The following BRF1 variants were observed in gnomAD, a reference collection of about 807,000 sequenced individuals.
The protein encoded by BRF1 is BRF1 general transcription factor IIIB subunit.
Under a neutral mutation model 81.7 loss-of-function variants are expected in BRF1, and 59 were observed. That is an observed-to-expected ratio of 0.72 (90% CI 0.59 to 0.90). The LOEUF (loss-of-function observed/expected upper bound fraction) is 0.90. Among genes scored for constraint, BRF1 ranks in the 40% least tolerant of loss-of-function variants. The pLI, the probability that BRF1 is intolerant of heterozygous loss-of-function variation, is 0.00. For missense variants in BRF1, 1,050 were observed against 936.3 expected, an observed-to-expected ratio of 1.12 and a Z score of -1.58; for synonymous variants, 491 against 395.6, an observed-to-expected ratio of 1.24 and a Z score of -2.86.
At chr14:105,279,525 A>G (rs1051012944) in intron 2 of BRF1, among the ~76,000 whole-genome samples, 1 of 150,042 alleles carries the variant, frequency 6.7e-6, no homozygotes, top group Non-Finnish European at 1.5e-5. Context: ...CCTACCAGAA[A>G]GACTACAACT....
Position 105,209,588 on chromosome 14 carries a change from C to T in BRF1, c.*963G>A. The T allele has an allele frequency of 1.4e-6, 1 of 702,504 alleles. No homozygotes were observed. 43.5% of individuals were successfully genotyped at this position (702,504 alleles called of 1,614,324 possible). ...GAGCTGAGACCTCCTACGAGTGGTACTGGGGCCTTCCCACGAAGAGGCCTG... is the reference window on the plus strand; with the variant it reads ...GAGCTGAGACCTCCTACGAGTGGTATTGGGGCCTTCCCACGAAGAGGCCTG... On this transcript the variant is annotated 3_prime_UTR_variant, in exon 18 of 18. Coordinates refer to ENST00000547530, the MANE Select transcript of BRF1 (RefSeq NM_001519.4).
At chr14:105,249,586 C>G in intron 5 of BRF1, 6 of 1,585,300 alleles carry the variant, frequency 3.8e-6, no homozygotes, top group Non-Finnish European at 4.3e-6. Flanking sequence ...CCAGGCCCAG[C>G]CCCGCGATGG....
At position 105,217,554 on chromosome 14, in the gene BRF1, C is replaced by T; in HGVS notation, c.1762G>A (p.Val588Met). The change falls in exon 15 of 18, where the codon GTG becomes ATG. Residue 588 changes from valine to methionine, a missense_variant. Around this residue, in one of 2 missense-constraint regions of BRF1, gnomAD observed 1,043 missense variants for 915.4 expected, o/e 1.14. Transcript: ENST00000547530. ...AGGACAGGATGGTACCTTTTCCCCACACTGGTCACAGGGTCAGCCCCACTT... is the reference window on the plus strand; with the variant it reads ...AGGACAGGATGGTACCTTTTCCCCATACTGGTCACAGGGTCAGCCCCACTT... The part of the protein sequence containing the change: ...SRSGADPVTS[V>M]GKRLRPLVST... The T allele has an allele frequency of 1.2e-6, 2 of 1,613,288 alleles. No homozygotes were observed. Among genetic ancestry groups the T allele is most frequent in the South Asian group, 2.2e-5 (2 of 91,070 alleles).
chr14:105,248,227 A>T (rs587702693), intron 5 of BRF1: 90 of 985,498 alleles, frequency 9.1e-5, no homozygotes, highest in Admixed American at 2.5e-4. Context: ...CGAACGAGGA[A>T]GCCCAACGAC....
chr14:105,218,763 C>CA (rs1891748040), intron 14 of BRF1, among the ~76,000 whole-genome samples: 2 of 152,124 alleles, frequency 1.3e-5, no homozygotes, highest in African/African-American at 2.4e-5. Context: ...AAGGTTACCC[C>CA]AAAGCTGAGC....
Position 105,217,642 on chromosome 14 carries a change from A to C in BRF1, c.1674T>G (p.Asp558Glu). 6.2e-7 allele frequency: 1 copy of C among 1,613,284 alleles called. No homozygotes were observed. The highest frequency in any genetic ancestry group is 8.5e-7 in the Non-Finnish European group (1 of 1,180,010). The part of the protein sequence containing the change: ...SAGGGSPHRE[D>E]AQPEHSASAR... The stretch of plus-strand genomic sequence containing the variant: ...CACTGGCGCTATGCTCGGGCTGTGC[A>C]TCCTCCCTGTGCGGACTGCCCCCGC... Residue 558 changes from aspartate (D) to glutamate (E), a missense_variant, in exon 15 of 18, where the codon GAT (aspartate) becomes GAG (glutamate). Asp to Glu is a conservative substitution (Grantham distance 45). This residue lies in a region of BRF1 where 1,043 missense variants were observed against 915.4 expected (regional missense o/e 1.14). Coordinates refer to ENST00000547530, the MANE Select transcript of BRF1 (RefSeq NM_001519.4).
chr14:105,242,823 A>C (rs1193379058), intron 5 of BRF1, among the ~76,000 whole-genome samples: 2 of 151,632 alleles, frequency 1.3e-5, no homozygotes, highest in Non-Finnish European at 2.9e-5. Context: ...TTTTGAAAAA[A>C]ATTTGGCCGG....
intron 17 of BRF1, 99 bp downstream of exon 17, chr14:105,211,023 T>C: frequency 6.6e-7 from 1 of 1,511,762 alleles, no homozygotes. Context: ...AACAGAAATT[T>C]AGTTTGAAGC....
chr14:105,260,181 C>T (rs1158352545), intron 3 of BRF1, among the ~76,000 whole-genome samples: 1 of 152,128 alleles, frequency 6.6e-6, no homozygotes, highest in Non-Finnish European at 1.5e-5. Flanking sequence ...GAGAAAAAGA[C>T]CCAGGAACGA....
chr14:105,256,579 T>A, intron 3 of BRF1, 30 bp from the exon 4 acceptor site: 1 of 1,609,656 alleles, frequency 6.2e-7, no homozygotes, highest in Non-Finnish European at 8.5e-7. Context: ...TCCTGTCGAG[T>A]GGCTGCAAGC....
chr14:105,226,445 A>C (rs1421572063), intron 8 of BRF1, among the ~76,000 whole-genome samples, 155 bp from the exon 9 acceptor site: 2 of 152,150 alleles, frequency 1.3e-5, no homozygotes, highest in Non-Finnish European at 2.9e-5. Flanking sequence ...CCCCCATGGG[A>C]AGAGGTGGCA....
At chr14:105,223,687 A>T (rs990459066) in intron 10 of BRF1, among the ~76,000 whole-genome samples, 1 of 152,220 alleles carries the variant, frequency 6.6e-6, no homozygotes, top group African/African-American at 2.4e-5. Flanking sequence ...TGGGAGCCAC[A>T]GATCTGTGGG....
chr14:105,220,981 C>A (rs1408063977), intron 11 of BRF1, among the ~76,000 whole-genome samples: 1 of 152,224 alleles, frequency 6.6e-6, no homozygotes, highest in Admixed American at 6.5e-5. Context: ...CACACAGCAG[C>A]CCCAACCATC....
chr14:105,221,763 C>T lies in BRF1; in HGVS notation c.1200G>A (p.Glu400=). 6.2e-7 allele frequency: 1 copy of T among 1,611,530 alleles called. No homozygotes were observed. The highest frequency in any genetic ancestry group is 8.5e-7 in the Non-Finnish European group (1 of 1,179,700). The change falls in exon 11 of 18, where the codon GAG becomes GAA. Residue 400 remains glutamate (E), a synonymous_variant. Coordinates refer to ENST00000547530, the MANE Select transcript of BRF1 (RefSeq NM_001519.4). ...PGSSEAAGSP[E]WGGRPPALGS... The stretch of plus-strand genomic sequence containing the variant: ...CCAGGGCCGGAGGTCTGCCGCCCCA[C>T]TCGGGGCTTCCTGCTGCTTCCGAGC...
At position 105,209,913 on chromosome 14, in the gene BRF1, G is replaced by A. The variant is rs912176791; in HGVS notation, c.*638C>T. The A allele has an allele frequency of 2.5e-6, 1 of 395,092 alleles. No individual in the cohort carries two copies. The highest frequency in any genetic ancestry group is 4.5e-6 in the Non-Finnish European group (1 of 222,988). The allele number at this position is 395,092 out of a possible 1,614,324, so 24.5% of individuals were successfully genotyped here. A position where few individuals can be genotyped will look rare whatever the true frequency, so the allele number is the denominator to read the frequency against. ...TCCAGGCGGTGCAGGCAGCGGGGAG[G>A]GGGGTCTGGAGGAGGCAGGGGTGGG... On this transcript the variant is annotated 3_prime_UTR_variant, in exon 18 of 18. Transcript: ENST00000547530.
intron 8 of BRF1, 117 bp from the exon 9 acceptor site, chr14:105,226,407 C>T (rs377495879): frequency 1.5e-5 from 22 of 1,490,666 alleles, no homozygotes; most frequent in Middle Eastern, 3.7e-4. Context: ...GGGTACGCAG[C>T]GATGGAGGTG....
At chr14:105,242,578 A>G (rs1216799062) in intron 5 of BRF1, 1 of 151,806 alleles carries the variant, frequency 6.6e-6, no homozygotes, top group Admixed American at 6.6e-5. Flanking sequence ...TTTACTAAAA[A>G]TACAAAATTT....
chr14:105,246,523 G>A (rs1314701612), intron 5 of BRF1, among the ~76,000 whole-genome samples: 2 of 152,102 alleles, frequency 1.3e-5, no homozygotes, highest in Non-Finnish European at 2.9e-5. Context: ...AGGCTGGAGT[G>A]CAGTAGCATG....
chr14:105,285,516 T>C (rs145040505), intron 2 of BRF1, among the ~76,000 whole-genome samples: 8 of 152,200 alleles, frequency 5.3e-5, no homozygotes, highest in Non-Finnish European at 1.0e-4. Context: ...TGACTCAATA[T>C]GGACCAAAAC....
Sources: gnomAD v4.1 joint callset for allele counts (sites outside exome capture counted in the v4.1 genomes callset) on GRCh38, gnomAD v4.1.1 for gene constraint, gnomAD v4.1.1 regional missense constraint, MANE v1.5 for transcripts, NCBI Gene and HGNC (gene_info 2026-07-23, HGNC 2026-07-21) for gene names.